Variants in COL5A1 observed in about 807,000 individuals in gnomAD.
COL5A1 encodes collagen type V alpha 1 chain.
In COL5A1, 16 loss-of-function variants were observed where a neutral mutation model predicts 263.7. That is an observed-to-expected ratio of 0.06 (90% CI 0.04 to 0.09). The LOEUF (loss-of-function observed/expected upper bound fraction) is 0.09. COL5A1 is among the 10% of genes least tolerant of loss of function. The pLI is 1.00. For missense variants in COL5A1, 2,036 were observed against 2,540.5 expected (o/e 0.80, Z 4.27); for synonymous variants, 1,012 against 1,004.5 (o/e 1.01, Z -0.14).
At position 134,812,774 on chromosome 9, in the gene COL5A1, C is replaced by G. The variant is rs7856170; in HGVS notation, c.3852+62C>G. ...TTGTTTGAGGAGTGTGTGTGTGTGT[C>G]TGTGTGTGTGTGTCTGTGTGTATGT... On this transcript the variant is annotated intron_variant, in intron 48 of 65. Coordinates refer to ENST00000371817, the MANE Select transcript of COL5A1 (RefSeq NM_000093.5). 379,342 of 886,016 alleles carry G rather than the reference C, an allele frequency of 0.43. 51,807 individuals carry two copies. The highest frequency in any genetic ancestry group is 0.58 in the African/African-American group (26,215 of 44,908). 54.9% of individuals were successfully genotyped at this position (886,016 alleles called of 1,614,324 possible).
intron 65 of COL5A1, among the ~76,000 whole-genome samples, chr9:134,837,054 G>A (rs752604241): frequency 1.3e-5 from 2 of 152,232 alleles, no homozygotes; most frequent in Non-Finnish European, 1.5e-5. Context: ...TGGGGAGCAT[G>A]TCAAACCATG....
chr9:134,827,438 C>T (rs927098320), intron 63 of COL5A1, among the ~76,000 whole-genome samples: 4 of 152,348 alleles, frequency 2.6e-5, no homozygotes, highest in Admixed American at 1.3e-4. Context: ...AATCCAAACA[C>T]GGGGGCCTTC....
intron 50 of COL5A1, among the ~76,000 whole-genome samples, chr9:134,815,309 C>T (rs1385825811): frequency 2.0e-5 from 3 of 152,242 alleles, no homozygotes; most frequent in Non-Finnish European, 4.4e-5. Flanking sequence ...GACCTGTGGG[C>T]GGAACGCCTG....
At chr9:134,779,870 G>T (rs1837187777) in intron 27 of COL5A1, among the ~76,000 whole-genome samples, 1 of 152,112 alleles carries the variant, frequency 6.6e-6, no homozygotes, top group Non-Finnish European at 1.5e-5. Context: ...TGGGGGATGG[G>T]TTTGGGTCTT....
chr9:134,810,350 G>A (rs749458751), intron 44 of COL5A1, 42 bp downstream of exon 44: 13 of 1,598,398 alleles, frequency 8.1e-6, no homozygotes, highest in African/African-American at 1.3e-5. Flanking sequence ...CCCAGGTCCC[G>A]GGGGGCCTCG....
At chr9:134,819,799 A>G (rs987427075) in intron 57 of COL5A1, among the ~76,000 whole-genome samples, 1 of 152,196 alleles carries the variant, frequency 6.6e-6, no homozygotes, top group Non-Finnish European at 1.5e-5. Context: ...TTGCCATAGG[A>G]AATTGGAGAG....
Position 134,757,522 on chromosome 9 carries a change from C to T in COL5A1, c.1881+704C>T, listed in dbSNP as rs1425765494. On this transcript the variant is annotated intron_variant, in intron 17 of 65. Coordinates refer to ENST00000371817, the MANE Select transcript of COL5A1 (RefSeq NM_000093.5). The surrounding 1 kb of genome is among the most constrained non-coding windows in gnomAD (Gnocchi z 6.2). ...GCCAGGGCTCAACTACACCTGTTCC[C>T]TCTTAACGGGCGTGGATGAGCTCTG... Among the ~76,000 whole-genome samples, 2 of 152,196 alleles carry T rather than the reference C, an allele frequency of 1.3e-5. No individual in the cohort carries two copies. The highest frequency in any genetic ancestry group is 2.4e-5 in the African/African-American group (1 of 41,444).
Position 134,647,352 on chromosome 9 carries a change from G to A in COL5A1, c.109+5056G>A, listed in dbSNP as rs773980352. On this transcript the variant is annotated intron_variant, in intron 1 of 65. Coordinates refer to ENST00000371817, the MANE Select transcript of COL5A1 (RefSeq NM_000093.5). This position sits in a 1 kb window ranked among gnomAD's most constrained non-coding sequence, Gnocchi z 5.0. ...TTCCAGGGTTTGCACTCATGTGTGC[G>A]TTTGTGTGTATGTGTGTCATGTGTG... Among the ~76,000 whole-genome samples, 7 of 152,054 alleles carry A rather than the reference G, an allele frequency of 4.6e-5. No individual in the cohort carries two copies. Among genetic ancestry groups the A allele is most frequent in the Admixed American group, 2.0e-4 (3 of 15,278 alleles).
chr9:134,827,020 C>T (rs980389403), intron 63 of COL5A1, among the ~76,000 whole-genome samples: 9 of 152,184 alleles, frequency 5.9e-5, no homozygotes, highest in East Asian at 3.9e-4. Context: ...CTGCAGCTCT[C>T]GTGCCCCTGC....
At chr9:134,807,403 CCTG>C (rs1230717736) in intron 42 of COL5A1, among the ~76,000 whole-genome samples, 1 of 152,216 alleles carries the variant, frequency 6.6e-6, no homozygotes, top group Non-Finnish European at 1.5e-5. Context: ...AAGCAATTCT[CCTG>C]CCTCAGCCTC....
At chr9:134,820,669 A>G (rs1838959297) in intron 58 of COL5A1, among the ~76,000 whole-genome samples, 1 of 152,098 alleles carries the variant, frequency 6.6e-6, no homozygotes, top group African/African-American at 2.4e-5. Flanking sequence ...ACTGTAGCTC[A>G]TTGGAGTTTG....
At chr9:134,804,426 A>G in intron 39 of COL5A1, among the ~76,000 whole-genome samples, 1 of 152,158 alleles carries the variant, frequency 6.6e-6, no homozygotes. Context: ...TGATAAGTCC[A>G]TTTAGGACGA....
intron 25 of COL5A1, among the ~76,000 whole-genome samples, chr9:134,768,928 G>A (rs1056432652): frequency 6.6e-6 from 1 of 152,100 alleles, no homozygotes; most frequent in African/African-American, 2.4e-5. Flanking sequence ...GATTCTGCCT[G>A]GAAATAGCGA....
At chr9:134,662,887 A>G (rs1296723050) in intron 1 of COL5A1, among the ~76,000 whole-genome samples, 1 of 152,198 alleles carries the variant, frequency 6.6e-6, no homozygotes, top group Non-Finnish European at 1.5e-5. Context: ...GCTGTTAGCT[A>G]TAGTAGAACC....
At chr9:134,827,333 A>G (rs1015094438) in intron 63 of COL5A1, among the ~76,000 whole-genome samples, 4 of 152,086 alleles carry the variant, frequency 2.6e-5, no homozygotes, top group East Asian at 1.9e-4. Context: ...ATGGCTGGAG[A>G]TCTGTGGGGC....
At chr9:134,738,606 AG>A in intron 10 of COL5A1, 91 bp downstream of exon 10, 6 of 1,569,638 alleles carry the variant, frequency 3.8e-6, no homozygotes, top group East Asian at 4.5e-5. Context: ...GATGGAAAAG[AG>A]GGGGGCTCTC....
At chr9:134,727,422 T>C in intron 5 of COL5A1, 25 bp downstream of exon 5, 1 of 1,613,808 alleles carries the variant, frequency 6.2e-7, no homozygotes, top group Non-Finnish European at 8.5e-7. Context: ...GCTGGGATCT[T>C]GGGGAGCATG....
intron 1 of COL5A1, among the ~76,000 whole-genome samples, chr9:134,656,807 G>A (rs957657688): frequency 1.3e-5 from 2 of 150,582 alleles, no homozygotes; most frequent in African/African-American, 4.9e-5. Flanking sequence ...TGCAGCTTCA[G>A]GCCCAGCCAG....
intron 1 of COL5A1, among the ~76,000 whole-genome samples, chr9:134,645,616 C>G (rs1190334309): frequency 1.3e-5 from 2 of 152,234 alleles, no homozygotes; most frequent in East Asian, 3.8e-4. Context: ...TGGTGAGCAT[C>G]AGCTGCACCA....
Sources: gnomAD v4.1 joint callset for allele counts (sites outside exome capture counted in the v4.1 genomes callset) on GRCh38, gnomAD v4.1.1 for gene constraint, Gnocchi (gnomAD v3.1) non-coding constraint, MANE v1.5 for transcripts, NCBI Gene and HGNC (gene_info 2026-07-23, HGNC 2026-07-21) for gene names.